PPIC: variants seen among roughly 807,000 people sequenced by gnomAD.
PPIC encodes the protein peptidyl-prolyl cis-trans isomerase C.
Under a neutral mutation model 19.5 loss-of-function variants are expected in PPIC, and 19 were observed. The ratio of observed to expected loss-of-function variants is 0.98; its 90% CI spans 0.68 to 1.43. The LOEUF (loss-of-function observed/expected upper bound fraction) is 1.43, where lower values mean the gene tolerates loss of function less well. Among genes scored for constraint, PPIC ranks in the 40% most tolerant of loss-of-function variants. The pLI, the probability that PPIC is intolerant of heterozygous loss-of-function variation, is 0.00. For missense variants in PPIC, 268 were observed against 268.6 expected (o/e 1.00, Z 0.02); for synonymous variants, 107 against 101.2 (o/e 1.06, Z -0.34).
intron 3 of PPIC, chr5:123,028,556 A>G: frequency 2.3e-6 from 1 of 441,126 alleles, no homozygotes; most frequent in South Asian, 6.5e-5. Context: ...CGGAAAGACA[A>G]TAAACACCAA....
At chr5:123,027,885 A>G (rs1484163001) in intron 3 of PPIC, among the ~76,000 whole-genome samples, 1 of 152,244 alleles carries the variant, frequency 6.6e-6, no homozygotes, top group Non-Finnish European at 1.5e-5. Context: ...AAGAGAAAAC[A>G]GTGTATGGAG....
chr5:123,025,456 T>A (rs917815612), intron 4 of PPIC, among the ~76,000 whole-genome samples: 1 of 152,240 alleles, frequency 6.6e-6, no homozygotes, highest in Non-Finnish European at 1.5e-5. Context: ...TCAGAATGTC[T>A]TTCCTTTTGG....
At chr5:123,032,328 G>C (rs530221676) in intron 1 of PPIC, among the ~76,000 whole-genome samples, 1 of 152,348 alleles carries the variant, frequency 6.6e-6, no homozygotes, top group Admixed American at 6.5e-5. Flanking sequence ...CCTACTATGA[G>C]TGTGAGAGCC....
At chr5:123,024,462 G>A (rs1231560386) in intron 4 of PPIC, among the ~76,000 whole-genome samples, 1 of 152,148 alleles carries the variant, frequency 6.6e-6, no homozygotes, top group African/African-American at 2.4e-5. Context: ...CCTAGTTCTA[G>A]GTTTGTCCAT....
At chr5:123,026,408 C>A (rs917601129) in intron 3 of PPIC, among the ~76,000 whole-genome samples, 3 of 152,194 alleles carry the variant, frequency 2.0e-5, no homozygotes, top group African/African-American at 4.8e-5. Context: ...GGGTGTTACT[C>A]AGCACCCAAC....
chr5:123,034,201 C>T (rs941898100), intron 1 of PPIC, among the ~76,000 whole-genome samples: 3 of 152,214 alleles, frequency 2.0e-5, no homozygotes, highest in African/African-American at 7.2e-5. Flanking sequence ...TTTTTAACGT[C>T]ATTTTCCAAT....
In PPIC at chr5:123,023,806, CA is replaced by C. The variant is rs1554081578; in HGVS notation, c.*68del. 1.7e-6 allele frequency: 2 copies of C among 1,146,866 alleles called. No homozygotes were observed. Among genetic ancestry groups the C allele is most frequent in the South Asian group, 1.9e-5 (1 of 52,472 alleles). The allele number at this position is 1,146,866 out of a possible 1,614,324, so 71.0% of individuals were successfully genotyped here. ...AAAAGCAAATAATTGAAAGACAACA[CA>C]ACACACACACACACACACACACACA... is the stretch of plus-strand genomic sequence containing the variant. On this transcript the variant is annotated 3_prime_UTR_variant, in exon 5 of 5. Coordinates refer to ENST00000306442, the MANE Select transcript of PPIC (RefSeq NM_000943.5).
Position 123,023,988 on chromosome 5 carries a change from T to C in PPIC, c.526A>G (p.Ile176Val), listed in dbSNP as rs1762812294. 1 of 1,613,518 alleles carries C rather than the reference T, an allele frequency of 6.2e-7. No individual in the cohort carries two copies. The highest frequency in any genetic ancestry group is 8.5e-7 in the Non-Finnish European group (1 of 1,179,604). ...TGCCCATCAGTTGCTTGGAGCTCTA[T>C]GGAGTGCACCACTGTCTGGTGAGAG... ...VIDGMTVVHS[I>V]ELQATDGHDR... The change falls in exon 5 of 5, where the codon ATA (isoleucine) becomes GTA (valine). Residue 176 changes from isoleucine to valine, a missense_variant. Ile to Val is a conservative substitution (Grantham distance 29). Transcript: ENST00000306442.
At chr5:123,024,144 G>GAC (rs144851383) in intron 4 of PPIC, 141 bp from the exon 5 acceptor site, 819,159 of 839,766 alleles carry the variant, frequency 0.98, 399,911 homozygotes, top group East Asian at 1. Context: ...TGACTACTAA[G>GAC]CGTTTTTTAT....
chr5:123,033,809 A>T (rs1021122217), intron 1 of PPIC, among the ~76,000 whole-genome samples: 1 of 152,234 alleles, frequency 6.6e-6, no homozygotes, highest in Non-Finnish European at 1.5e-5. Context: ...TGTGCTTGCA[A>T]GCTGTAATAT....
chr5:123,036,503 G>T lies in PPIC; in HGVS notation c.117+6C>A. 3 of 1,604,060 alleles carry T rather than the reference G, an allele frequency of 1.9e-6. No individual in the cohort carries two copies. The highest frequency in any genetic ancestry group is 1.7e-6 in the Non-Finnish European group (2 of 1,175,980). On this transcript the variant is annotated splice_donor_region_variant and intron_variant, in intron 1 of 4. Coordinates refer to ENST00000306442, the MANE Select transcript of PPIC (RefSeq NM_000943.5). This position sits in a 1 kb window ranked among gnomAD's most constrained non-coding sequence, Gnocchi z 4.5. ...GGGGAAGTTGCAGCCCGCCGCTCTC[G>T]GTCACCTTGGCCGTCACCGAGGGGC...
At chr5:123,030,309 CTG>C (rs1039016175) in intron 1 of PPIC, among the ~76,000 whole-genome samples, 2 of 152,212 alleles carry the variant, frequency 1.3e-5, no homozygotes, top group Non-Finnish European at 2.9e-5. Flanking sequence ...TCACAAATCA[CTG>C]TGTTAAGATG....
At chr5:123,026,638 C>A (rs1163825932) in intron 3 of PPIC, among the ~76,000 whole-genome samples, 3 of 152,188 alleles carry the variant, frequency 2.0e-5, no homozygotes, top group Non-Finnish European at 1.5e-5. Flanking sequence ...TTGTTGGTCA[C>A]AGCAACTTCA....
intron 4 of PPIC, 90 bp from the exon 5 acceptor site, chr5:123,024,093 A>G (rs987809788): frequency 8.8e-6 from 13 of 1,475,032 alleles, no homozygotes; most frequent in Admixed American, 4.3e-5. Flanking sequence ...CAAAAGCCCA[A>G]GTGGGAAGGA....
At chr5:123,026,439 A>T (rs41334653) in intron 3 of PPIC, among the ~76,000 whole-genome samples, 1 of 152,170 alleles carries the variant, frequency 6.6e-6, no homozygotes, top group Non-Finnish European at 1.5e-5. Context: ...CAAGCATTCA[A>T]TATATACCCA....
Position 123,036,212 on chromosome 5 carries a change from G to T in PPIC, c.117+297C>A. 1 of 443,430 alleles carries T rather than the reference G, an allele frequency of 2.3e-6. No individual in the cohort carries two copies. Among genetic ancestry groups the T allele is most frequent in the Non-Finnish European group, 4.1e-6 (1 of 245,064 alleles). The allele number at this position is 443,430 out of a possible 1,614,324, so 27.5% of individuals were successfully genotyped here. The stretch of plus-strand genomic sequence containing the variant: ...CTGGAGAACGGGCCCGCCGGTTCCG[G>T]AAGCCTCTCCTACCCCCAGGCTGGT... On this transcript the variant is annotated intron_variant, in intron 1 of 4. Coordinates refer to ENST00000306442, the MANE Select transcript of PPIC (RefSeq NM_000943.5). The surrounding 1 kb of genome is among the most constrained non-coding windows in gnomAD (Gnocchi z 4.5).
chr5:123,024,030 T>C (rs1224993851), intron 4 of PPIC, 27 bp from the exon 5 acceptor site: 1 of 1,603,824 alleles, frequency 6.2e-7, no homozygotes. Context: ...AGACACATGG[T>C]TTAATTCTGA....
chr5:123,036,403 G>C lies in PPIC; in HGVS notation c.117+106C>G. On this transcript the variant is annotated intron_variant, in intron 1 of 4. Coordinates refer to ENST00000306442, the MANE Select transcript of PPIC (RefSeq NM_000943.5). This position sits in a 1 kb window ranked among gnomAD's most constrained non-coding sequence, Gnocchi z 4.5. ...GGCCGCCTCCAGTCCCCCTGCGCCC[G>C]GGAAGCCTCCACCTCGCCCGCCCTG... 2 of 1,031,942 alleles carry C rather than the reference G, an allele frequency of 1.9e-6. No individual in the cohort carries two copies. The highest frequency in any genetic ancestry group is 2.0e-5 in the Admixed American group (1 of 49,160). The allele number at this position is 1,031,942 out of a possible 1,614,324, so 63.9% of individuals were successfully genotyped here.
At chr5:123,035,912 C>T (rs990045242) in intron 1 of PPIC, among the ~76,000 whole-genome samples, 1 of 152,086 alleles carries the variant, frequency 6.6e-6, no homozygotes, top group African/African-American at 2.4e-5. Flanking sequence ...CAGCAGGGGC[C>T]GCCCGCCCGC....
Sources: allele counts gnomAD v4.1 joint callset (sites outside exome capture counted in the v4.1 genomes callset), GRCh38; gene constraint gnomAD v4.1.1; non-coding constraint Gnocchi (gnomAD v3.1); transcripts MANE v1.5; gene names NCBI Gene and HGNC (gene_info 2026-07-23, HGNC 2026-07-21).